The following UPRT variants were observed in gnomAD, a reference collection of about 807,000 sequenced individuals.
UPRT encodes RP11-311P8.3.
In UPRT, 5 loss-of-function variants were observed where a neutral mutation model predicts 22.6. That is an observed-to-expected ratio of 0.22 (90% CI 0.12 to 0.47). The LOEUF is 0.47. Among genes scored for constraint, UPRT ranks in the 20% least tolerant of loss-of-function variants. The probability of loss-of-function intolerance (pLI) is 0.99; values close to 1 mark genes in which losing one functional copy is unlikely to be tolerated. For synonymous variants in UPRT, 77 were observed against 87.7 expected, an observed-to-expected ratio of 0.88 and a Z score of 0.68; for missense variants, 181 against 239.9, an observed-to-expected ratio of 0.75 and a Z score of 1.62.
intron 4 of UPRT, among the ~76,000 whole-genome samples, chrX:75,246,475 G>A (rs1382264075): frequency 9.0e-6 from 1 of 110,538 alleles, no homozygotes; most frequent in Non-Finnish European, 1.9e-5. Context: ...TGGTGTATAT[G>A]TGCCACATTT....
intron 4 of UPRT, among the ~76,000 whole-genome samples, chrX:75,266,396 G>A (rs966682680): frequency 3.6e-5 from 4 of 111,612 alleles, no homozygotes; most frequent in African/African-American, 1.3e-4. Context: ...TATGTAGAAA[G>A]CTGAAACTGG....
At chrX:75,235,229 TA>T (rs1211048908) in intron 4 of UPRT, among the ~76,000 whole-genome samples, 1 of 111,463 alleles carries the variant, frequency 9.0e-6, no homozygotes, top group Non-Finnish European at 1.9e-5. Context: ...CTCCCAAGAC[TA>T]AACCAGGAAG....
At chrX:75,171,508 G>T (rs2082227364) in intron 4 of UPRT, among the ~76,000 whole-genome samples, 1 of 110,220 alleles carries the variant, frequency 9.1e-6, no homozygotes, top group African/African-American at 3.3e-5. Flanking sequence ...CCTTAAATTG[G>T]ATTTTACCTT....
At position 75,255,961 on chromosome X, in the gene UPRT, C is replaced by G. The variant is rs147117958; in HGVS notation, c.-446-35063C>G. Among the ~76,000 whole-genome samples, 890 of 111,759 alleles carry G rather than the reference C, an allele frequency of 8.0e-3. 11 individuals carry two copies. Among genetic ancestry groups the G allele is most frequent in the African/African-American group, 0.027 (820 of 30,760 alleles). The stretch of plus-strand genomic sequence containing the variant: ...GACAGCACTAGAAAGGTCATCAAGA[C>G]AGAAAGTCAACAAATAAACAATGGA... On this transcript the variant is annotated intron_variant, in intron 4 of 13. Transcript: ENST00000652605.
chrX:75,282,771 T>C (rs982793529), intron 1 of UPRT, among the ~76,000 whole-genome samples: 2 of 111,764 alleles, frequency 1.8e-5, no homozygotes, highest in Non-Finnish European at 3.8e-5. Context: ...AAATGTTCTG[T>C]ATGTATCTGT....
At chrX:75,229,334 A>G (rs1331072980) in intron 4 of UPRT, among the ~76,000 whole-genome samples, 1 of 112,171 alleles carries the variant, frequency 8.9e-6, no homozygotes, top group Non-Finnish European at 1.9e-5. Context: ...CAAATAAACA[A>G]ACAGTAACAG....
upstream of UPRT, among the ~76,000 whole-genome samples, chrX:75,272,466 G>C (rs897544520): frequency 9.4e-6 from 1 of 106,330 alleles, no homozygotes; most frequent in South Asian, 4.1e-4. Flanking sequence ...AATATTCTAA[G>C]TGAAGTAACT....
At chrX:75,286,306 T>TG (rs35193908) in intron 1 of UPRT, among the ~76,000 whole-genome samples, 4,967 of 38,637 alleles carry the variant, frequency 0.13, 522 homozygotes, top group African/African-American at 0.36. Flanking sequence ...CAAATTTACT[T>TG]GGGGGGGGGG....
intron 4 of UPRT, among the ~76,000 whole-genome samples, chrX:75,170,958 T>C (rs896976213): frequency 1.8e-5 from 2 of 111,824 alleles, no homozygotes; most frequent in African/African-American, 6.5e-5. Context: ...TCTGATAGAT[T>C]TTCCTTTATA....
Position 75,214,726 on chromosome X carries a change from A to G in UPRT, c.-447+46847A>G, listed in dbSNP as rs190464420. Among the ~76,000 whole-genome samples, 3 of 111,615 alleles carry G rather than the reference A, an allele frequency of 2.7e-5. No individual in the cohort carries two copies. In the Admixed American group the frequency reaches 2.9e-4, roughly 11 times the overall value. On this transcript the variant is annotated intron_variant, in intron 4 of 13. Coordinates refer to the UPRT transcript ENST00000652605. ...GCAGTTTGAGACCAGCCTGGGAAACATAGCAAGACCTTGGTTCTACAAAAA... is the reference window on the plus strand; with the variant it reads ...GCAGTTTGAGACCAGCCTGGGAAACGTAGCAAGACCTTGGTTCTACAAAAA...
chrX:75,205,342 A>AGACT (rs2082361802), intron 4 of UPRT, among the ~76,000 whole-genome samples: 1 of 92,470 alleles, frequency 1.1e-5, no homozygotes, highest in Admixed American at 1.4e-4. Flanking sequence ...TGCAGTCTGC[A>AGACT]GTCCGCAGTC....
At chrX:75,251,435 C>G (rs2082529376) in intron 4 of UPRT, among the ~76,000 whole-genome samples, 2 of 111,037 alleles carry the variant, frequency 1.8e-5, no homozygotes, top group Non-Finnish European at 3.8e-5. Flanking sequence ...AACAGAGACC[C>G]AAATCATGAG....
chrX:75,294,390 A>G (rs1257681464), intron 2 of UPRT, among the ~76,000 whole-genome samples: 1 of 110,953 alleles, frequency 9.0e-6, no homozygotes, highest in Non-Finnish European at 1.9e-5. Context: ...GAATGTAGGC[A>G]TGGTCTCTAA....
chrX:75,233,326 T>A (rs1221575378), intron 4 of UPRT, among the ~76,000 whole-genome samples: 10 of 111,176 alleles, frequency 9.0e-5, no homozygotes, highest in African/African-American at 3.0e-4. Context: ...TACCTGAAAG[T>A]GACGGGGAGA....
At chrX:75,251,473 G>A (rs1245537480) in intron 4 of UPRT, among the ~76,000 whole-genome samples, 5 of 111,218 alleles carry the variant, frequency 4.5e-5, no homozygotes, top group African/African-American at 1.6e-4. Flanking sequence ...TTGCTTCAAA[G>A]AGAATAAAAT....
At chrX:75,251,853 C>G (rs2082531401) in intron 4 of UPRT, among the ~76,000 whole-genome samples, 1 of 110,797 alleles carries the variant, frequency 9.0e-6, no homozygotes, top group Non-Finnish European at 1.9e-5. Context: ...GGTACTGGTA[C>G]CAAAACAGAG....
intron 1 of UPRT, among the ~76,000 whole-genome samples, chrX:75,283,725 A>AAT (rs2082668478): frequency 9.0e-6 from 1 of 111,215 alleles, no homozygotes; most frequent in Non-Finnish European, 1.9e-5. Flanking sequence ...AGCTCTTAAG[A>AAT]TTCTTTCCTT....
chrX:75,222,564 C>T (rs1174536077), intron 4 of UPRT, among the ~76,000 whole-genome samples: 1 of 111,284 alleles, frequency 9.0e-6, no homozygotes, highest in Non-Finnish European at 1.9e-5. Flanking sequence ...AAAGTCCTTC[C>T]TTCTTTTTCC....
chrX:75,303,318 A>T (rs2082750688), intron 6 of UPRT, 87 bp from the exon 7 acceptor site: 2 of 629,936 alleles, frequency 3.2e-6, no homozygotes, highest in Admixed American at 3.0e-5. Flanking sequence ...TCTCAATTTT[A>T]GACCTAGTGG....
Sources: allele counts gnomAD v4.1 joint callset (sites outside exome capture counted in the v4.1 genomes callset), GRCh38; gene constraint gnomAD v4.1.1; transcripts MANE v1.5; gene names NCBI Gene and HGNC (gene_info 2026-07-23, HGNC 2026-07-21).